Variants in PLXNA4 observed in about 807,000 individuals in gnomAD.
PLXNA4 encodes the protein plexin-A4.
PLXNA4 carries 44 observed loss-of-function variants against 191.8 expected under a neutral mutation model. The ratio of observed to expected loss-of-function variants is 0.23; its 90% CI spans 0.18 to 0.29. PLXNA4 has a LOEUF of 0.29. Ranked by LOEUF, PLXNA4 falls within the 10% of genes least tolerant of loss-of-function variation. The pLI, the probability that PLXNA4 is intolerant of heterozygous loss-of-function variation, is 1.00. For missense variants in PLXNA4, 1,800 were observed against 2,488.8 expected, an observed-to-expected ratio of 0.72 and a Z score of 5.89; for synonymous variants, 1,082 against 1,009.5, an observed-to-expected ratio of 1.07 and a Z score of -1.36.
At chr7:132,548,320 T>A (rs1800396586) in intron 1 of PLXNA4, among the ~76,000 whole-genome samples, 1 of 152,198 alleles carries the variant, frequency 6.6e-6, no homozygotes, top group South Asian at 2.1e-4. Context: ...ATTTTTATGA[T>A]AAGCAGATGA....
At chr7:132,191,667 T>A (rs1164568218) in intron 14 of PLXNA4, among the ~76,000 whole-genome samples, 1 of 152,178 alleles carries the variant, frequency 6.6e-6, no homozygotes, top group Non-Finnish European at 1.5e-5. Flanking sequence ...GCTTTGGCCA[T>A]GCAGCAGTTT....
intron 2 of PLXNA4, among the ~76,000 whole-genome samples, chr7:132,507,283 G>T (rs11767637): frequency 0.14 from 21,733 of 152,196 alleles, 1,998 homozygotes; most frequent in Non-Finnish European, 0.22. Context: ...GTACACTGAT[G>T]GGAATTTATG....
chr7:132,289,858 T>C (rs1414048016), intron 4 of PLXNA4, among the ~76,000 whole-genome samples: 4 of 151,304 alleles, frequency 2.6e-5, no homozygotes, highest in Non-Finnish European at 5.9e-5. Flanking sequence ...TTTTTAGAGA[T>C]AGGGTCTCTC....
At chr7:132,539,246 G>A (rs182490138) in intron 1 of PLXNA4, among the ~76,000 whole-genome samples, 30 of 152,310 alleles carry the variant, frequency 2.0e-4, no homozygotes, top group African/African-American at 5.1e-4. Context: ...CCAAGGCCAC[G>A]TAGAGCCATA....
chr7:132,455,583 C>T (rs972240479), intron 3 of PLXNA4, among the ~76,000 whole-genome samples: 3 of 152,200 alleles, frequency 2.0e-5, no homozygotes, highest in East Asian at 1.9e-4. Flanking sequence ...GTTGGGAGCC[C>T]GCGCAGTATG....
intron 3 of PLXNA4, among the ~76,000 whole-genome samples, chr7:132,447,772 G>A (rs572703555): frequency 3.3e-5 from 5 of 151,814 alleles, no homozygotes; most frequent in African/African-American, 9.7e-5. Context: ...CAGATCACTT[G>A]AGTACAGAAG....
At chr7:132,334,240 C>CT (rs1437537581) in intron 3 of PLXNA4, among the ~76,000 whole-genome samples, 4 of 106,168 alleles carry the variant, frequency 3.8e-5, no homozygotes, top group African/African-American at 1.5e-4. Context: ...CTTTTCTTTT[C>CT]TTTCTTTCTT....
intron 4 of PLXNA4, among the ~76,000 whole-genome samples, chr7:132,268,131 G>T (rs1331643817): frequency 2.6e-5 from 4 of 152,192 alleles, no homozygotes; most frequent in Non-Finnish European, 4.4e-5. Context: ...GACTGGGAGG[G>T]TTATTTATGA....
chr7:132,260,534 G>A (rs1253120520), intron 4 of PLXNA4, among the ~76,000 whole-genome samples: 3 of 152,098 alleles, frequency 2.0e-5, no homozygotes, highest in African/African-American at 7.2e-5. Context: ...GATGAAAGGG[G>A]GCTGAGGGTT....
intron 3 of PLXNA4, among the ~76,000 whole-genome samples, chr7:132,483,241 G>C (rs1049882126): frequency 2.2e-4 from 34 of 152,118 alleles, no homozygotes; most frequent in African/African-American, 7.5e-4. Context: ...CGGTAACAAA[G>C]ACCTCCCCTG....
chr7:132,176,929 G>A (rs1031527586), intron 20 of PLXNA4, among the ~76,000 whole-genome samples: 10 of 151,940 alleles, frequency 6.6e-5, no homozygotes, highest in Non-Finnish European at 1.2e-4. Context: ...TGAGTATGTG[G>A]GCATGTGTGT....
chr7:132,535,540 G>A (rs1585292973), intron 1 of PLXNA4, among the ~76,000 whole-genome samples: 4 of 152,120 alleles, frequency 2.6e-5, no homozygotes, highest in South Asian at 2.1e-4. Context: ...CAGAGGAAAG[G>A]AAAGGGGTCC....
intron 4 of PLXNA4, among the ~76,000 whole-genome samples, chr7:132,262,295 C>T (rs1799675260): frequency 6.6e-6 from 1 of 152,202 alleles, no homozygotes; most frequent in Non-Finnish European, 1.5e-5. Flanking sequence ...CGGGGGCTGC[C>T]ACCCCTCTGC....
intron 3 of PLXNA4, among the ~76,000 whole-genome samples, chr7:132,424,387 C>T (rs747099704): frequency 1.3e-5 from 2 of 152,208 alleles, no homozygotes; most frequent in Non-Finnish European, 2.9e-5. Flanking sequence ...GCTGGAGAGC[C>T]CTGGCCCAGG....
intron 24 of PLXNA4, among the ~76,000 whole-genome samples, chr7:132,161,188 G>A (rs1337830189): frequency 6.6e-6 from 1 of 152,250 alleles, no homozygotes; most frequent in Non-Finnish European, 1.5e-5. Flanking sequence ...CAGCAACACA[G>A]CTTGCCCTGG....
intron 3 of PLXNA4, among the ~76,000 whole-genome samples, chr7:132,483,918 G>A (rs949731866): frequency 6.6e-6 from 1 of 151,826 alleles, no homozygotes; most frequent in Non-Finnish European, 1.5e-5. Flanking sequence ...GAAATTTCAC[G>A]ATGAGAACAC....
At chr7:132,494,642 A>G (rs1797935082) in intron 2 of PLXNA4, among the ~76,000 whole-genome samples, 1 of 152,138 alleles carries the variant, frequency 6.6e-6, no homozygotes, top group Non-Finnish European at 1.5e-5. Context: ...ATTACAATCT[A>G]ATAGCTTATG....
At chr7:132,275,654 G>A (rs531583589) in intron 4 of PLXNA4, among the ~76,000 whole-genome samples, 64 of 152,274 alleles carry the variant, frequency 4.2e-4, no homozygotes, top group South Asian at 1.0e-3. Flanking sequence ...AAAGGGGCAA[G>A]GGACCTCTCC....
At chr7:132,494,670 C>G (rs956429104) in intron 2 of PLXNA4, among the ~76,000 whole-genome samples, 2 of 152,122 alleles carry the variant, frequency 1.3e-5, no homozygotes, top group Non-Finnish European at 2.9e-5. Flanking sequence ...CCTCGTGCAC[C>G]GCAGCAAAGG....
Sources: allele counts gnomAD v4.1 joint callset (sites outside exome capture counted in the v4.1 genomes callset), GRCh38; gene constraint gnomAD v4.1.1; transcripts MANE v1.5; gene names NCBI Gene and HGNC (gene_info 2026-07-23, HGNC 2026-07-21).